Variants in RRM2 observed in about 807,000 individuals in gnomAD.
The protein encoded by RRM2 is ribonucleotide reductase regulatory subunit M2, also known as ribonucleoside-diphosphate reductase subunit M2.
RRM2 carries 6 observed loss-of-function variants against 45.9 expected under a neutral mutation model. The observed-to-expected ratio is 0.13, with a 90% CI of 0.07 to 0.26. The LOEUF (loss-of-function observed/expected upper bound fraction) is 0.26. RRM2 is among the 10% of genes least tolerant of loss of function. RRM2 has a pLI of 1.00. For synonymous variants in RRM2, 177 were observed against 173.0 expected (o/e 1.02, Z -0.18); for missense variants, 343 against 489.5 (o/e 0.70, Z 2.82).
intron 3 of RRM2, among the ~76,000 whole-genome samples, chr2:10,176,697 A>G (rs1230996570): frequency 1.3e-5 from 2 of 152,246 alleles, no homozygotes; most frequent in African/African-American, 4.8e-5. Context: ...TTGTTTCTTT[A>G]TAATTGCTGT....
intron 3 of RRM2, among the ~76,000 whole-genome samples, chr2:10,143,549 A>AG: frequency 6.6e-6 from 1 of 152,312 alleles, no homozygotes; most frequent in African/African-American, 2.4e-5. Context: ...AGTGACCCGC[A>AG]GGGGAAGCTG....
intron 3 of RRM2, among the ~76,000 whole-genome samples, chr2:10,159,096 T>C (rs952290381): frequency 3.9e-5 from 6 of 152,108 alleles, no homozygotes; most frequent in Non-Finnish European, 8.8e-5. Context: ...TTGGCCCTAA[T>C]TTTTGTTCAC....
At chr2:10,175,547 G>A (rs759053051) in intron 3 of RRM2, among the ~76,000 whole-genome samples, 1 of 151,912 alleles carries the variant, frequency 6.6e-6, no homozygotes, top group Non-Finnish European at 1.5e-5. Context: ...CCTCCTCCCC[G>A]CAGCCCCTGG....
intron 3 of RRM2, among the ~76,000 whole-genome samples, chr2:10,177,838 T>A (rs1572519417): frequency 6.6e-6 from 1 of 152,000 alleles, no homozygotes; most frequent in Admixed American, 6.6e-5. Flanking sequence ...ACCAGGCTGG[T>A]CTCGAACTTC....
At chr2:10,190,114 T>C (rs1463451294) in intron 3 of RRM2, among the ~76,000 whole-genome samples, 1 of 148,466 alleles carries the variant, frequency 6.7e-6, no homozygotes, top group Non-Finnish European at 1.5e-5. Flanking sequence ...GTGGAGATGA[T>C]AGTGATGGTG....
At position 10,181,457 on chromosome 2, in the gene RRM2, G is replaced by T. The variant is rs78249363; in HGVS notation, n.483-28854G>T. Among the ~76,000 whole-genome samples the T allele has an allele frequency of 1.7e-3, 262 of 152,230 alleles. 1 individual carries two copies. Among genetic ancestry groups the T allele is most frequent in the African/African-American group, 6.1e-3 (255 of 41,554 alleles). On this transcript the variant is annotated intron_variant and non_coding_transcript_variant, in intron 3 of 3. Coordinates refer to the RRM2 transcript ENST00000381786. ...CATGTGTATTTTTATTTCTAGTCCT[G>T]CTTGCTTAGGATTTATTTTGCTGTT...
intron 3 of RRM2, among the ~76,000 whole-genome samples, chr2:10,177,011 C>T (rs1005242076): frequency 4.6e-5 from 7 of 152,184 alleles, no homozygotes; most frequent in Middle Eastern, 3.4e-3. Context: ...TTTGGGAGGC[C>T]GAGGCGGGTG....
chr2:10,188,820 G>A (rs1449801983), intron 3 of RRM2, among the ~76,000 whole-genome samples: 1 of 152,238 alleles, frequency 6.6e-6, no homozygotes, highest in African/African-American at 2.4e-5. Flanking sequence ...AGAGGGCGCT[G>A]CGGAGAGAGT....
intron 5 of RRM2, among the ~76,000 whole-genome samples, chr2:10,126,143 A>G (rs1442856997): frequency 7.2e-6 from 1 of 138,320 alleles, no homozygotes; most frequent in Non-Finnish European, 1.5e-5. Context: ...TGGGCAACAG[A>G]GTGAGACCCT....
In RRM2 at chr2:10,131,234, T is replaced by G. The variant is rs1449148410; in HGVS notation, c.*1848T>G. On this transcript the variant is annotated 3_prime_UTR_variant, in exon 10 of 10. Transcript: ENST00000304567. ...AAAGGCTTTGTCTTGCATTGTGAGG[T>G]ACAGGCGGAAGTTGGAATCAGGTTT... 6.6e-6 allele frequency: 1 copy of G among 152,202 alleles called. No homozygotes were observed. The highest frequency in any genetic ancestry group is 1.5e-5 in the Non-Finnish European group (1 of 68,044). 9.4% of individuals were successfully genotyped at this position (152,202 alleles called of 1,614,324 possible). A position where few individuals can be genotyped will look rare whatever the true frequency, so the allele number is the denominator to read the frequency against.
chr2:10,126,697 C>T (rs1213833492), intron 5 of RRM2, 178 bp from the exon 6 acceptor site: 1 of 614,594 alleles, frequency 1.6e-6, no homozygotes, highest in African/African-American at 1.8e-5. Flanking sequence ...TTTAAAAGAA[C>T]ACTGGAGGGA....
At chr2:10,193,816 G>A (rs1664359244) in intron 3 of RRM2, among the ~76,000 whole-genome samples, 1 of 152,206 alleles carries the variant, frequency 6.6e-6, no homozygotes, top group South Asian at 2.1e-4. Flanking sequence ...ATGGGGCTGG[G>A]CCTCTGAGAG....
chr2:10,122,740 T>G lies in RRM2; in HGVS notation c.-59T>G. 1 of 1,553,804 alleles carries G rather than the reference T, an allele frequency of 6.4e-7. No individual in the cohort carries two copies. Among genetic ancestry groups the G allele is most frequent in the Non-Finnish European group, 8.7e-7 (1 of 1,148,546 alleles). On this transcript the variant is annotated 5_prime_UTR_variant, in exon 1 of 10. Transcript: ENST00000304567. ...GGCTGCTGGAGTGAGGGGTCGCCCG[T>G]GCACCCTGTCCCAGCCGTCCTGTCC... is the stretch of plus-strand genomic sequence containing the variant.
chr2:10,177,779 G>T (rs542467455), intron 3 of RRM2, among the ~76,000 whole-genome samples: 1 of 144,222 alleles, frequency 6.9e-6, no homozygotes, highest in Admixed American at 7.0e-5. Context: ...GCGCCATCAC[G>T]TCTGTTTAAT....
chr2:10,127,452 G>T lies in RRM2; in HGVS notation c.798+232G>T. The T allele has an allele frequency of 2.3e-6, 1 of 439,452 alleles. No homozygotes were observed. The highest frequency in any genetic ancestry group is 4.0e-6 in the Non-Finnish European group (1 of 247,264). The allele number at this position is 439,452 out of a possible 1,614,324, so 27.2% of individuals were successfully genotyped here. ...TTTGTACATATGTATTCCCCTATAG[G>T]CTTTGAATGCATAAAACTACAAGTT... On this transcript the variant is annotated intron_variant, in intron 7 of 9. Coordinates refer to ENST00000304567, the MANE Select transcript of RRM2 (RefSeq NM_001034.4). This position sits in a 1 kb window ranked among gnomAD's most constrained non-coding sequence, Gnocchi z 4.1.
chr2:10,146,420 A>G (rs987799681), intron 3 of RRM2, among the ~76,000 whole-genome samples: 1 of 152,250 alleles, frequency 6.6e-6, no homozygotes, highest in Admixed American at 6.5e-5. Flanking sequence ...TCTCATGTGC[A>G]GCTAGGGTGG....
rs189194848 is a variant in RRM2, at chr2:10,162,282, G to A, written n.482+19907G>A. On this transcript the variant is annotated intron_variant and non_coding_transcript_variant, in intron 3 of 3. Coordinates refer to the RRM2 transcript ENST00000381786. ...TGTGGAGCCGCCCGTCGTTCATGTC[G>A]ATTCTCTCAGTCAATCAAAACGCTG... 1.5e-3 allele frequency among the ~76,000 whole-genome samples: 225 copies of A among 152,248 alleles called. 1 individual carries two copies. Among genetic ancestry groups the A allele is most frequent in the Middle Eastern group, 6.8e-3 (2 of 294 alleles).
intron 3 of RRM2, among the ~76,000 whole-genome samples, chr2:10,150,533 G>A (rs1031855454): frequency 6.7e-6 from 1 of 148,432 alleles, no homozygotes; most frequent in South Asian, 2.1e-4. Context: ...GACTTTATTG[G>A]TGTATAATTG....
rs1572534126 is a variant in RRM2, at chr2:10,199,800, A to AAAAAAAAAAAAAAAAAAAAC, written n.483-10502_483-10501insAAAAAAAAAACAAAAAAAAA. Among the ~76,000 whole-genome samples, 18 of 97,892 alleles carry AAAAAAAAAAAAAAAAAAAAC rather than the reference A, an allele frequency of 1.8e-4. 4 individuals carry two copies. The highest frequency in any genetic ancestry group is 3.9e-4 in the East Asian group (1 of 2,548). The allele number at this position is 97,892 out of a possible 152,430, so 64.2% of individuals were successfully genotyped here. On this transcript the variant is annotated intron_variant and non_coding_transcript_variant, in intron 3 of 3. Transcript: ENST00000381786. ...GTCTCAAAAAAAAAAAAAAAAAAAA[A>AAAAAAAAAAAAAAAAAAAAC]AAAAAAAAACAAATCATGGTATGAC...
Sources: gnomAD v4.1 joint callset for allele counts (sites outside exome capture counted in the v4.1 genomes callset) on GRCh38, gnomAD v4.1.1 for gene constraint, Gnocchi (gnomAD v3.1) non-coding constraint, MANE v1.5 for transcripts, NCBI Gene and HGNC (gene_info 2026-07-23, HGNC 2026-07-21) for gene names.